The following MALRD1 variants were observed in gnomAD, a reference collection of about 807,000 sequenced individuals.
The protein encoded by MALRD1 is MAM and LDL-receptor class A domain-containing protein 1.
In MALRD1, 247 loss-of-function variants were observed where a neutral mutation model predicts 242.1. That is an observed-to-expected ratio of 1.02 (90% CI 0.92 to 1.13). The LOEUF (loss-of-function observed/expected upper bound fraction) is 1.13. Among genes scored for constraint, MALRD1 ranks in the 50% most tolerant of loss-of-function variants. The pLI, the probability that MALRD1 is intolerant of heterozygous loss-of-function variation, is 0.00. For synonymous variants in MALRD1, 995 were observed against 866.6 expected (o/e 1.15, Z -2.60); for missense variants, 2,989 against 2,533.1 (o/e 1.18, Z -3.86).
chr10:19,268,330 T>TTC (rs768965504), intron 19 of MALRD1, among the ~76,000 whole-genome samples: 10 of 152,114 alleles, frequency 6.6e-5, no homozygotes, highest in Non-Finnish European at 1.3e-4. Context: ...TAGCTATGCT[T>TTC]TCATAAAACC....
At chr10:19,376,068 GC>G (rs1179079004) in intron 26 of MALRD1, among the ~76,000 whole-genome samples, 2 of 152,220 alleles carry the variant, frequency 1.3e-5, no homozygotes, top group African/African-American at 4.8e-5. Flanking sequence ...GTTGCAGTGA[GC>G]CAAGATTGCA....
At chr10:19,409,608 A>C (rs536799658) in intron 28 of MALRD1, among the ~76,000 whole-genome samples, 2 of 152,216 alleles carry the variant, frequency 1.3e-5, no homozygotes, top group Non-Finnish European at 2.9e-5. Flanking sequence ...TTGTATCTTG[A>C]CTGTATTTGT....
intron 28 of MALRD1, among the ~76,000 whole-genome samples, chr10:19,394,216 G>A (rs1250872861): frequency 6.6e-6 from 1 of 152,174 alleles, no homozygotes; most frequent in African/African-American, 2.4e-5. Context: ...ATCTTGCTTA[G>A]TGGTTCAGAT....
intron 36 of MALRD1, among the ~76,000 whole-genome samples, chr10:19,687,062 T>G (rs1187607409): frequency 1.3e-5 from 2 of 152,138 alleles, no homozygotes; most frequent in Non-Finnish European, 2.9e-5. Flanking sequence ...GTTAATTTTA[T>G]GAGTAAAACT....
At position 19,549,201 on chromosome 10, in the gene MALRD1, C is replaced by T. The variant is rs76355397; in HGVS notation, c.5478+17850C>T. On this transcript the variant is annotated intron_variant, in intron 32 of 39. Coordinates refer to ENST00000454679, the MANE Select transcript of MALRD1 (RefSeq NM_001142308.3). ...GGAAGCTAGTAGAGGATGGTTAGTT[C>T]ATGAGGTTTAAGGAAAGAAGCCACC... 2.7e-3 allele frequency among the ~76,000 whole-genome samples: 405 copies of T among 152,248 alleles called. 7 individuals are homozygous for T. The East Asian group carries it at 0.057, about 22-fold the overall frequency.
chr10:19,279,928 C>A, intron 19 of MALRD1, 119 bp from the exon 20 acceptor site: 1 of 708,448 alleles, frequency 1.4e-6, no homozygotes, highest in Non-Finnish European at 2.1e-6. Flanking sequence ...GCTGATACTA[C>A]CCACTGTTCT....
intron 5 of MALRD1, among the ~76,000 whole-genome samples, chr10:19,105,004 A>G (rs1238878602): frequency 2.0e-5 from 3 of 152,070 alleles, no homozygotes; most frequent in Non-Finnish European, 2.9e-5. Context: ...TTATTCCAAA[A>G]ATTTATCTTC....
At chr10:19,563,937 G>A (rs943865001) in intron 32 of MALRD1, among the ~76,000 whole-genome samples, 2 of 152,110 alleles carry the variant, frequency 1.3e-5, no homozygotes, top group Non-Finnish European at 2.9e-5. Flanking sequence ...CACACCGCCC[G>A]CCTCCGGCAC....
intron 2 of MALRD1, among the ~76,000 whole-genome samples, chr10:19,080,714 AT>A (rs536210319): frequency 3.2e-4 from 48 of 152,210 alleles, no homozygotes; most frequent in African/African-American, 1.2e-3. Flanking sequence ...ACAAGCAGAG[AT>A]TTCATGATGA....
intron 31 of MALRD1, among the ~76,000 whole-genome samples, chr10:19,528,903 T>C (rs1226406594): frequency 6.6e-6 from 1 of 152,154 alleles, no homozygotes. Context: ...TATCGTAACT[T>C]ACCTGGGCAA....
chr10:19,553,787 C>G (rs1210925080), intron 32 of MALRD1, among the ~76,000 whole-genome samples: 2 of 152,158 alleles, frequency 1.3e-5, no homozygotes, highest in Admixed American at 1.3e-4. Flanking sequence ...CAGTGATACA[C>G]GTGAGATTCT....
At chr10:19,065,042 C>G (rs575269714) in intron 1 of MALRD1, among the ~76,000 whole-genome samples, 2 of 151,998 alleles carry the variant, frequency 1.3e-5, no homozygotes, top group African/African-American at 4.8e-5. Flanking sequence ...AATCCCAGCA[C>G]TTTGGGAGGC....
chr10:19,401,950 A>G (rs1273820110), intron 28 of MALRD1, among the ~76,000 whole-genome samples: 1 of 152,228 alleles, frequency 6.6e-6, no homozygotes, highest in East Asian at 1.9e-4. Context: ...TGATACTTAC[A>G]TAAACCCAAC....
intron 33 of MALRD1, among the ~76,000 whole-genome samples, chr10:19,586,198 G>C (rs1404033822): frequency 2.0e-5 from 3 of 152,104 alleles, no homozygotes; most frequent in African/African-American, 7.2e-5. Context: ...GGAATAATTT[G>C]ATCGTCTGAA....
intron 36 of MALRD1, among the ~76,000 whole-genome samples, chr10:19,643,242 G>C (rs1348095896): frequency 6.6e-6 from 1 of 151,882 alleles, no homozygotes; most frequent in East Asian, 1.9e-4. Flanking sequence ...GACCAGCCTG[G>C]CCAACATGGT....
At chr10:19,208,267 G>C (rs569618578) in intron 17 of MALRD1, among the ~76,000 whole-genome samples, 1 of 152,194 alleles carries the variant, frequency 6.6e-6, no homozygotes, top group South Asian at 2.1e-4. Flanking sequence ...CCATACTGAT[G>C]AATCACAGCA....
In MALRD1 at chr10:19,404,243, T is replaced by C. The variant is rs1846991292; in HGVS notation, c.4845+14634T>C. 2.6e-5 allele frequency among the ~76,000 whole-genome samples: 4 copies of C among 152,084 alleles called. No individual in the cohort carries two copies. In the South Asian group the frequency reaches 8.3e-4, roughly 31 times the overall value. ...TAGATGGTTTGCAGTGATTTCAGAATGCACTTATGCTTTTTTTATTATTAC... is the reference window on the plus strand; with the variant it reads ...TAGATGGTTTGCAGTGATTTCAGAACGCACTTATGCTTTTTTTATTATTAC... On this transcript the variant is annotated intron_variant, in intron 28 of 39. Transcript: ENST00000454679.
At chr10:19,116,911 A>G (rs1335014062) in intron 5 of MALRD1, among the ~76,000 whole-genome samples, 2 of 152,102 alleles carry the variant, frequency 1.3e-5, no homozygotes, top group East Asian at 3.9e-4. Context: ...CCTGGCCAAC[A>G]TGACGAAACC....
At chr10:19,619,959 A>G (rs1404403346) in intron 36 of MALRD1, among the ~76,000 whole-genome samples, 2 of 151,910 alleles carry the variant, frequency 1.3e-5, no homozygotes, top group South Asian at 2.1e-4. Flanking sequence ...AGAGGCTGCA[A>G]TGAGTCGTGA....
Sources: gnomAD v4.1 joint callset for allele counts (sites outside exome capture counted in the v4.1 genomes callset) on GRCh38, gnomAD v4.1.1 for gene constraint, MANE v1.5 for transcripts, NCBI Gene and HGNC (gene_info 2026-07-23, HGNC 2026-07-21) for gene names.